Variants in CADM1 observed in about 807,000 individuals in gnomAD.
CADM1 encodes cell adhesion molecule 1, also known as TSLC-1.
A neutral mutation model predicts 53.1 loss-of-function variants in CADM1; 15 were observed. The observed-to-expected ratio is 0.28, with a 90% CI of 0.19 to 0.44. The LOEUF is 0.44. Ranked by LOEUF, CADM1 falls within the 20% of genes least tolerant of loss-of-function variation. The pLI is 1.00. For missense variants in CADM1, 434 were observed against 611.3 expected, an observed-to-expected ratio of 0.71 and a Z score of 3.06; for synonymous variants, 281 against 243.0, an observed-to-expected ratio of 1.16 and a Z score of -1.45.
chr11:115,370,881 G>A (rs1028205010), intron 1 of CADM1, among the ~76,000 whole-genome samples: 28 of 152,134 alleles, frequency 1.8e-4, no homozygotes, highest in African/African-American at 6.3e-4. Flanking sequence ...ATTAACTACC[G>A]ACAACTTAAC....
chr11:115,503,003 T>C (rs2135450817), intron 1 of CADM1, among the ~76,000 whole-genome samples: 1 of 152,220 alleles, frequency 6.6e-6, no homozygotes, highest in African/African-American at 2.4e-5. Flanking sequence ...GGAGGGGCTT[T>C]GCAGGCTCAG....
chr11:115,485,799 A>G (rs1426390395), intron 1 of CADM1, among the ~76,000 whole-genome samples: 2 of 152,198 alleles, frequency 1.3e-5, no homozygotes, highest in African/African-American at 4.8e-5. Context: ...GCTAAGACAC[A>G]TCTCTTTGCA....
At chr11:115,352,343 G>A (rs188746458) in intron 1 of CADM1, among the ~76,000 whole-genome samples, 20 of 152,298 alleles carry the variant, frequency 1.3e-4, no homozygotes, top group Admixed American at 1.2e-3. Flanking sequence ...CAGATATAGT[G>A]CCCTGCATTT....
rs992598455 is a variant in CADM1 at position 115,173,735 on chromosome 11, G to T, written c.*2739C>A. 34 of 925,118 alleles carry T rather than the reference G, an allele frequency of 3.7e-5. No homozygotes were observed. The highest frequency in any genetic ancestry group is 4.0e-5 in the Non-Finnish European group (31 of 778,170). The allele number at this position is 925,118 out of a possible 1,614,324, so 57.3% of individuals were successfully genotyped here. A position where few individuals can be genotyped will look rare whatever the true frequency, so the allele number is the denominator to read the frequency against. ...GTATACATGAACCAATACAAAATGC[G>T]AATGGGAACATATGGATATGGAGTT... On this transcript the variant is annotated 3_prime_UTR_variant, in exon 12 of 12. Transcript: ENST00000331581.
intron 1 of CADM1, among the ~76,000 whole-genome samples, chr11:115,265,511 C>G (rs564609427): frequency 3.3e-5 from 5 of 152,294 alleles, no homozygotes; most frequent in African/African-American, 1.2e-4. Flanking sequence ...ACAGAAAACG[C>G]TTTTGGTATG....
At chr11:115,333,754 A>T (rs917668190) in intron 1 of CADM1, 11 of 152,224 alleles carry the variant, frequency 7.2e-5, no homozygotes, top group Non-Finnish European at 1.0e-4. Flanking sequence ...AATATTCATC[A>T]GCAGAGTCAC....
intron 1 of CADM1, among the ~76,000 whole-genome samples, chr11:115,293,698 A>C (rs1943970220): frequency 6.6e-6 from 1 of 152,206 alleles, no homozygotes; most frequent in Non-Finnish European, 1.5e-5. Flanking sequence ...TTATTGCTTA[A>C]TAATATTTAT....
chr11:115,386,050 A>G (rs1356419218), intron 1 of CADM1, among the ~76,000 whole-genome samples: 1 of 152,236 alleles, frequency 6.6e-6, no homozygotes, highest in Admixed American at 6.5e-5. Flanking sequence ...GAAAGAAGCA[A>G]TTTTGAAGTT....
chr11:115,450,760 A>C (rs938715753), intron 1 of CADM1, among the ~76,000 whole-genome samples: 5 of 152,226 alleles, frequency 3.3e-5, no homozygotes, highest in Admixed American at 3.3e-4. Flanking sequence ...AACAGGATTC[A>C]AAGCTTGCAA....
intron 1 of CADM1, among the ~76,000 whole-genome samples, chr11:115,265,469 T>C (rs1411446265): frequency 6.6e-6 from 1 of 152,214 alleles, no homozygotes; most frequent in Non-Finnish European, 1.5e-5. Flanking sequence ...TAGCTTTTCA[T>C]TACTCAGCTA....
At chr11:115,376,507 G>A (rs1946442028) in intron 1 of CADM1, among the ~76,000 whole-genome samples, 2 of 151,994 alleles carry the variant, frequency 1.3e-5, no homozygotes. Context: ...TGCAAACAGA[G>A]GGCTAAGAAT....
chr11:115,375,098 A>G (rs1364135341), intron 1 of CADM1, among the ~76,000 whole-genome samples: 8 of 152,172 alleles, frequency 5.3e-5, no homozygotes, highest in Non-Finnish European at 1.2e-4. Context: ...TACAATGTCT[A>G]TAATTTTCTT....
intron 9 of CADM1, among the ~76,000 whole-genome samples, chr11:115,196,595 T>TAAAAAAAAAAAAAAAAAAAAAAAA (rs61694033): frequency 1.3e-5 from 1 of 76,892 alleles, no homozygotes; most frequent in Non-Finnish European, 2.3e-5. Context: ...GCTGATGAAC[T>TAAAAAAAAAAAAAAAAAAAAAAAA]AAAAAAAAAA....
At chr11:115,380,005 C>G (rs1460672358) in intron 1 of CADM1, among the ~76,000 whole-genome samples, 1 of 152,058 alleles carries the variant, frequency 6.6e-6, no homozygotes, top group Non-Finnish European at 1.5e-5. Flanking sequence ...GTGAAATAAA[C>G]TATTTGAAGT....
chr11:115,182,910 G>A (rs1344421701), intron 10 of CADM1, among the ~76,000 whole-genome samples: 1 of 152,244 alleles, frequency 6.6e-6, no homozygotes, highest in Non-Finnish European at 1.5e-5. Context: ...CCAGGTGAGA[G>A]TTTACCAGCT....
chr11:115,317,856 T>G (rs1415987023), intron 1 of CADM1, among the ~76,000 whole-genome samples: 1 of 152,214 alleles, frequency 6.6e-6, no homozygotes, highest in Non-Finnish European at 1.5e-5. Flanking sequence ...AGTAGGACAT[T>G]GCCTATGAAA....
intron 1 of CADM1, among the ~76,000 whole-genome samples, chr11:115,357,558 T>C (rs1344622533): frequency 6.6e-6 from 1 of 152,156 alleles, no homozygotes; most frequent in Non-Finnish European, 1.5e-5. Flanking sequence ...GTCCACTTAT[T>C]AGCTAGTGGT....
In CADM1 at chr11:115,214,766, G is replaced by A. The variant is rs762733550; in HGVS notation, c.836C>T (p.Thr279Ile). 6.2e-6 allele frequency: 10 copies of A among 1,613,816 alleles called. No homozygotes were observed. Among genetic ancestry groups the A allele is most frequent in the Non-Finnish European group, 7.6e-6 (9 of 1,179,892 alleles). ...CATTTCATCATCGACTCTCACCCAA[G>A]TTACCATCACAGGCCTGCAGGGGGA... ...AIGKPQPVMV[T>I]WVRVDDEMPQ... The change falls in exon 7 of 12, where the codon ACT becomes ATT. Residue 279 changes from threonine to isoleucine, a missense_variant. By Grantham distance (89) the Thr-to-Ile change is moderately conservative (BLOSUM62 -1). Around this residue, in one of 4 missense-constraint regions of CADM1, gnomAD observed 311 missense variants for 435.1 expected, o/e 0.71. Coordinates refer to ENST00000331581, the MANE Select transcript of CADM1 (RefSeq NM_001301043.2).
At chr11:115,195,996 G>GTA (rs984173754) in intron 9 of CADM1, among the ~76,000 whole-genome samples, 4 of 152,212 alleles carry the variant, frequency 2.6e-5, no homozygotes, top group African/African-American at 9.6e-5. Context: ...CAAATTCCAA[G>GTA]TATATATATA....
Sources: allele counts gnomAD v4.1 joint callset (sites outside exome capture counted in the v4.1 genomes callset), GRCh38; gene constraint gnomAD v4.1.1; regional missense constraint gnomAD v4.1.1; transcripts MANE v1.5; gene names NCBI Gene and HGNC (gene_info 2026-07-23, HGNC 2026-07-21).